Variants in NECTIN2 observed in about 807,000 individuals in gnomAD.
NECTIN2 encodes nectin-2.
A neutral mutation model predicts 56.9 loss-of-function variants in NECTIN2; 23 were observed. The ratio of observed to expected loss-of-function variants is 0.40; its 90% CI spans 0.29 to 0.57. The LOEUF (loss-of-function observed/expected upper bound fraction) is 0.57. Among genes scored for constraint, NECTIN2 ranks in the 20% least tolerant of loss-of-function variants. The probability of loss-of-function intolerance (pLI) is 0.38; values close to 1 mark genes in which losing one functional copy is unlikely to be tolerated. For missense variants in NECTIN2, 587 were observed against 718.3 expected (o/e 0.82, Z 2.09); for synonymous variants, 302 against 313.8 (o/e 0.96, Z 0.40).
intron 1 of NECTIN2, among the ~76,000 whole-genome samples, chr19:44,847,092 C>A (rs930415682): frequency 4.6e-5 from 7 of 152,126 alleles, no homozygotes; most frequent in African/African-American, 1.4e-4. Flanking sequence ...TCCTTCTTCC[C>A]GGCTTGGGCG....
chr19:44,852,523 T>C (rs1298222273), intron 1 of NECTIN2, among the ~76,000 whole-genome samples: 3 of 118,846 alleles, frequency 2.5e-5, no homozygotes, highest in Non-Finnish European at 5.4e-5. Flanking sequence ...CAAGACTCCG[T>C]CTCAAAAAAA....
chr19:44,863,375 C>T (rs923463574), intron 1 of NECTIN2, among the ~76,000 whole-genome samples: 8 of 151,968 alleles, frequency 5.3e-5, no homozygotes, highest in Non-Finnish European at 8.8e-5. Flanking sequence ...TTGCAGTGAG[C>T]CAAGATTGTG....
Position 44,871,975 on chromosome 19 carries a change from G to A in NECTIN2, c.601G>A (p.Asp201Asn). 6.2e-7 allele frequency: 1 copy of A among 1,614,160 alleles called. No individual in the cohort carries two copies. The highest frequency in any genetic ancestry group is 1.1e-5 in the South Asian group (1 of 91,082). ...CCGGATCTCCTGGCTCTCATCCCTG[G>A]ACTGGGAAGCCAAAGAGACTCAGGT... ...PARISWLSSL[D>N]WEAKETQVSG... Residue 201 changes from aspartate (D) to asparagine (N), a missense_variant, in exon 3 of 9, where the codon GAC becomes AAC. Physicochemically the swap from Asp to Asn is conservative, Grantham distance 23 (BLOSUM62 1). Coordinates refer to ENST00000252483, the MANE Select transcript of NECTIN2 (RefSeq NM_001042724.2).
chr19:44,848,504 C>T (rs551783420), intron 1 of NECTIN2, among the ~76,000 whole-genome samples: 1 of 152,266 alleles, frequency 6.6e-6, no homozygotes, highest in East Asian at 1.9e-4. Flanking sequence ...GATAACAATC[C>T]TTTCCCTGCG....
chr19:44,864,019 C>CT (rs1046747134), intron 1 of NECTIN2, among the ~76,000 whole-genome samples: 8 of 151,396 alleles, frequency 5.3e-5, no homozygotes, highest in Non-Finnish European at 1.2e-4. Context: ...GATTCCCCCC[C>CT]CCCAAAAAAA....
At chr19:44,877,220 G>T (rs972058441) in intron 5 of NECTIN2, among the ~76,000 whole-genome samples, 3 of 152,076 alleles carry the variant, frequency 2.0e-5, no homozygotes, top group Non-Finnish European at 4.4e-5. Flanking sequence ...CCTGTGTGTC[G>T]AGGTGTAGAG....
intron 5 of NECTIN2, chr19:44,878,246 G>A: frequency 1.2e-6 from 1 of 816,486 alleles, no homozygotes; most frequent in South Asian, 1.7e-5. Context: ...CTCGCCCCGA[G>A]ATGTGGGCCC....
rs393584 is a variant in NECTIN2, at chr19:44,874,077, G to A, written c.893+44G>A. ...GAACCCTGGGTCTGAGGGAGGCGGG[G>A]CTGGGGGCCTGGACTCCTGGATCTA... On this transcript the variant is annotated intron_variant, in intron 4 of 8. Coordinates refer to ENST00000252483, the MANE Select transcript of NECTIN2 (RefSeq NM_001042724.2). The surrounding 1 kb of genome is among the most constrained non-coding windows in gnomAD (Gnocchi z 6.3). 546,738 of 1,503,774 alleles carry A rather than the reference G, an allele frequency of 0.36. 104,840 individuals carry two copies. Among genetic ancestry groups the A allele is most frequent in the East Asian group, 0.74 (32,543 of 44,092 alleles). The allele number at this position is 1,503,774 out of a possible 1,614,324, so 93.2% of individuals were successfully genotyped here.
chr19:44,883,227 G>C (rs1017265973), intron 6 of NECTIN2, among the ~76,000 whole-genome samples: 2 of 151,898 alleles, frequency 1.3e-5, no homozygotes, highest in Admixed American at 6.6e-5. Flanking sequence ...TGGTCAGGCA[G>C]GGTGGGTCAG....
chr19:44,877,510 C>G (rs956377956), intron 5 of NECTIN2, among the ~76,000 whole-genome samples: 8 of 152,200 alleles, frequency 5.3e-5, no homozygotes, highest in South Asian at 2.1e-4. Context: ...TCTGTGAGAA[C>G]CCCATTTTAC....
At chr19:44,885,491 T>A (rs1250347352) in intron 6 of NECTIN2, among the ~76,000 whole-genome samples, 1 of 151,536 alleles carries the variant, frequency 6.6e-6, no homozygotes, top group Non-Finnish European at 1.5e-5. Flanking sequence ...TTTGTATTTT[T>A]TGGGGAGATG....
At chr19:44,847,050 G>A (rs553138513) in intron 1 of NECTIN2, among the ~76,000 whole-genome samples, 1 of 152,212 alleles carries the variant, frequency 6.6e-6, no homozygotes, top group East Asian at 1.9e-4. Flanking sequence ...AGGTCTCGAG[G>A]AAGAGGCGAG....
intron 6 of NECTIN2, among the ~76,000 whole-genome samples, chr19:44,884,958 G>A (rs1969343498): frequency 6.6e-6 from 1 of 152,106 alleles, no homozygotes; most frequent in African/African-American, 2.4e-5. Context: ...ACACCTTGCT[G>A]ACGACCCAGA....
intron 1 of NECTIN2, among the ~76,000 whole-genome samples, chr19:44,859,825 CAAAAA>C (rs35459524): frequency 8.0e-6 from 1 of 124,288 alleles, no homozygotes; most frequent in Admixed American, 8.5e-5. Context: ...ACTCCGTCTC[CAAAAA>C]AAAAAAAAAA....
chr19:44,847,825 G>T, intron 1 of NECTIN2, among the ~76,000 whole-genome samples: 1 of 152,168 alleles, frequency 6.6e-6, no homozygotes, highest in Non-Finnish European at 1.5e-5. Context: ...GCAGGAGGTG[G>T]ACGAGTGGAG....
intron 1 of NECTIN2, among the ~76,000 whole-genome samples, chr19:44,847,937 G>C (rs1418018538): frequency 1.3e-5 from 2 of 152,114 alleles, no homozygotes; most frequent in Non-Finnish European, 2.9e-5. Context: ...CCTGGGGAGG[G>C]AGGGGCTGGG....
intron 6 of NECTIN2, among the ~76,000 whole-genome samples, chr19:44,884,155 C>T (rs1423446019): frequency 6.6e-6 from 1 of 151,692 alleles, no homozygotes; most frequent in Non-Finnish European, 1.5e-5. Context: ...CTGAGGTATG[C>T]GAGCTATGCA....
At chr19:44,859,012 G>T (rs2436474) in intron 1 of NECTIN2, among the ~76,000 whole-genome samples, 50,008 of 152,024 alleles carry the variant, frequency 0.33, 9,104 homozygotes, top group Non-Finnish European at 0.39. Context: ...AAAGATCCTC[G>T]GCCTGTCCCC....
At chr19:44,880,593 TTC>T (rs1969297634) in intron 5 of NECTIN2, among the ~76,000 whole-genome samples, 1 of 139,530 alleles carries the variant, frequency 7.2e-6, no homozygotes, top group Non-Finnish European at 1.5e-5. Context: ...GTTCAAGCAA[TTC>T]TCCTGTCTCA....
Sources: allele counts gnomAD v4.1 joint callset (sites outside exome capture counted in the v4.1 genomes callset), GRCh38; gene constraint gnomAD v4.1.1; non-coding constraint Gnocchi (gnomAD v3.1); transcripts MANE v1.5; gene names NCBI Gene and HGNC (gene_info 2026-07-23, HGNC 2026-07-21).